Variants in PCSK2 observed in about 807,000 individuals in gnomAD.
PCSK2 encodes proprotein convertase subtilisin/kexin type 2.
Under a neutral mutation model 69.7 loss-of-function variants are expected in PCSK2, and 14 were observed. The observed-to-expected ratio is 0.20, with a 90% CI of 0.13 to 0.31. The LOEUF (loss-of-function observed/expected upper bound fraction) is 0.31. PCSK2 is among the 10% of genes least tolerant of loss of function. The pLI, the probability that PCSK2 is intolerant of heterozygous loss-of-function variation, is 1.00. For synonymous variants in PCSK2, 307 were observed against 320.7 expected, an observed-to-expected ratio of 0.96 and a Z score of 0.46; for missense variants, 544 against 842.5, an observed-to-expected ratio of 0.65 and a Z score of 4.39.
chr20:17,231,479 G>C (rs1435241822), intron 1 of PCSK2, among the ~76,000 whole-genome samples: 2 of 152,088 alleles, frequency 1.3e-5, no homozygotes, highest in Non-Finnish European at 2.9e-5. Context: ...TCAGGTTTTA[G>C]CTATTATAAA....
intron 2 of PCSK2, among the ~76,000 whole-genome samples, chr20:17,275,688 A>G (rs1478814193): frequency 6.6e-6 from 1 of 152,196 alleles, no homozygotes; most frequent in African/African-American, 2.4e-5. Context: ...CATTGGATTT[A>G]CATTTTCTTT....
rs569210678 is a variant in PCSK2 at position 17,390,815 on chromosome 20, C to A, written c.544-18448C>A. On this transcript the variant is annotated intron_variant, in intron 5 of 11. Transcript: ENST00000262545. ...CCTTCTCTCTCCTCTCCTTTTCCTC[C>A]TCTATACAACCCACTCACTTTCCAA... 6.1e-4 allele frequency among the ~76,000 whole-genome samples: 93 copies of A among 152,274 alleles called. 1 individual carries two copies. Among genetic ancestry groups the A allele is most frequent in the African/African-American group, 2.1e-3 (89 of 41,564 alleles).
intron 5 of PCSK2, among the ~76,000 whole-genome samples, chr20:17,375,475 A>G (rs892845197): frequency 1.3e-5 from 2 of 152,194 alleles, no homozygotes; most frequent in African/African-American, 2.4e-5. Flanking sequence ...AGGAAGCGGC[A>G]TTTCTGACCT....
At chr20:17,273,970 A>G (rs1029282128) in intron 2 of PCSK2, among the ~76,000 whole-genome samples, 1 of 152,148 alleles carries the variant, frequency 6.6e-6, no homozygotes, top group African/African-American at 2.4e-5. Context: ...AATGTTACAT[A>G]TCACTCTGCT....
intron 8 of PCSK2, among the ~76,000 whole-genome samples, chr20:17,441,698 A>G (rs1229998500): frequency 2.0e-5 from 3 of 151,994 alleles, no homozygotes; most frequent in African/African-American, 7.3e-5. Flanking sequence ...ATCTCATAAG[A>G]CTTATTCACT....
intron 2 of PCSK2, among the ~76,000 whole-genome samples, chr20:17,332,305 C>G (rs1006035596): frequency 6.6e-6 from 1 of 152,090 alleles, no homozygotes; most frequent in African/African-American, 2.4e-5. Flanking sequence ...ATTTCACACT[C>G]AATGGACCTC....
rs941497173 is a variant in PCSK2 at position 17,483,911 on chromosome 20, C to T, written c.*1841C>T. ...ATAAGTGCACACAGAAATATATATACATATGTAGACTATATACATGTGTGT... is the reference window on the plus strand; with the variant it reads ...ATAAGTGCACACAGAAATATATATATATATGTAGACTATATACATGTGTGT... On this transcript the variant is annotated 3_prime_UTR_variant, in exon 12 of 12. Coordinates refer to ENST00000262545, the MANE Select transcript of PCSK2 (RefSeq NM_002594.5). 6.6e-6 allele frequency: 1 copy of T among 152,430 alleles called. No individual in the cohort carries two copies. The highest frequency in any genetic ancestry group is 2.4e-5 in the African/African-American group (1 of 41,378). The allele number at this position is 152,430 out of a possible 1,614,324, so 9.4% of individuals were successfully genotyped here.
At chr20:17,367,791 C>G (rs1181475856) in intron 4 of PCSK2, among the ~76,000 whole-genome samples, 1 of 152,176 alleles carries the variant, frequency 6.6e-6, no homozygotes, top group African/African-American at 2.4e-5. Context: ...AGCCACCATG[C>G]CTGACCAAAA....
At chr20:17,447,051 G>T (rs2032711572) in intron 8 of PCSK2, among the ~76,000 whole-genome samples, 1 of 151,838 alleles carries the variant, frequency 6.6e-6, no homozygotes, top group African/African-American at 2.4e-5. Flanking sequence ...TCAGGAGTTT[G>T]GGACCAGCCT....
At chr20:17,480,092 C>T (rs953636530) in intron 11 of PCSK2, among the ~76,000 whole-genome samples, 1 of 151,886 alleles carries the variant, frequency 6.6e-6, no homozygotes, top group Admixed American at 6.6e-5. Context: ...GGCTTAACCT[C>T]GCTCCAACTC....
chr20:17,231,743 G>A (rs1986149514), intron 1 of PCSK2, among the ~76,000 whole-genome samples: 1 of 152,162 alleles, frequency 6.6e-6, no homozygotes, highest in Non-Finnish European at 1.5e-5. Flanking sequence ...AGTCTTCACA[G>A]GCTGAAATCA....
chr20:17,247,845 G>A (rs1339378525), intron 1 of PCSK2, among the ~76,000 whole-genome samples: 1 of 152,234 alleles, frequency 6.6e-6, no homozygotes, highest in Non-Finnish European at 1.5e-5. Flanking sequence ...TTGGTTGCCA[G>A]TTCCCTGGAG....
chr20:17,293,858 T>G (rs1988777504), intron 2 of PCSK2, among the ~76,000 whole-genome samples: 1 of 152,182 alleles, frequency 6.6e-6, no homozygotes, highest in African/African-American at 2.4e-5. Flanking sequence ...CTGTGCTTCT[T>G]TACAGTTTAA....
At chr20:17,450,017 C>CTTTTTTTTTTTTTGTTTTTTTTTT (rs2032789882) in intron 8 of PCSK2, among the ~76,000 whole-genome samples, 1 of 61,802 alleles carries the variant, frequency 1.6e-5, no homozygotes, top group Non-Finnish European at 2.9e-5. Flanking sequence ...AATTTCTTCC[C>CTTTTTTTTTTTTTGTTTTTTTTTT]TTTTTTTTTT....
intron 2 of PCSK2, among the ~76,000 whole-genome samples, chr20:17,322,905 C>T (rs1408524887): frequency 6.6e-6 from 1 of 152,122 alleles, no homozygotes; most frequent in Admixed American, 6.5e-5. Context: ...ACTCTGTCAC[C>T]CAGGCTGGAG....
intron 1 of PCSK2, among the ~76,000 whole-genome samples, chr20:17,243,237 G>C (rs1183815054): frequency 6.6e-6 from 1 of 152,164 alleles, no homozygotes; most frequent in Admixed American, 6.5e-5. Flanking sequence ...GCCTTACTCT[G>C]TCACCCAGGC....
chr20:17,365,203 T>C (rs930854800), intron 4 of PCSK2, among the ~76,000 whole-genome samples: 1 of 152,120 alleles, frequency 6.6e-6, no homozygotes, highest in African/African-American at 2.4e-5. Context: ...CCCTTGTTGC[T>C]CCATCCTGTG....
rs537357227 is a variant in PCSK2, at chr20:17,480,335, G to A, written c.1431-1249G>A. On this transcript the variant is annotated intron_variant, in intron 11 of 11. Coordinates refer to ENST00000262545, the MANE Select transcript of PCSK2 (RefSeq NM_002594.5). ...CTCCCAAGTAGCTGGGACTACAGGCGCCCACCACCAAGCCCGGCTAATTTT... is the reference window on the plus strand; with the variant it reads ...CTCCCAAGTAGCTGGGACTACAGGCACCCACCACCAAGCCCGGCTAATTTT... Among the ~76,000 whole-genome samples, 42 of 151,760 alleles carry A rather than the reference G, an allele frequency of 2.8e-4. 1 individual carries two copies. The South Asian group carries it at 7.7e-3, about 28-fold the overall frequency.
At chr20:17,345,456 A>G (rs1004300431) in intron 2 of PCSK2, among the ~76,000 whole-genome samples, 1 of 152,176 alleles carries the variant, frequency 6.6e-6, no homozygotes, top group South Asian at 2.1e-4. Flanking sequence ...GAGAGCAAAT[A>G]TTTCAGGCTT....
Sources: gnomAD v4.1 joint callset for allele counts (sites outside exome capture counted in the v4.1 genomes callset) on GRCh38, gnomAD v4.1.1 for gene constraint, MANE v1.5 for transcripts, NCBI Gene and HGNC (gene_info 2026-07-23, HGNC 2026-07-21) for gene names.